SND1: variants seen among roughly 807,000 people sequenced by gnomAD.
SND1 encodes staphylococcal nuclease domain-containing protein 1.
Under a neutral mutation model 121.7 loss-of-function variants are expected in SND1, and 38 were observed. The ratio of observed to expected loss-of-function variants is 0.31; its 90% CI spans 0.24 to 0.41. The LOEUF is 0.41. SND1 is among the 10% of genes least tolerant of loss of function. SND1 has a pLI of 1.00. For synonymous variants in SND1, 401 were observed against 447.4 expected (o/e 0.90, Z 1.31); for missense variants, 868 against 1,184.6 (o/e 0.73, Z 3.92).
At chr7:127,925,063 A>G (rs1800802295) in intron 14 of SND1, among the ~76,000 whole-genome samples, 1 of 152,218 alleles carries the variant, frequency 6.6e-6, no homozygotes, top group African/African-American at 2.4e-5. Flanking sequence ...CCCCAGGCAC[A>G]TTTGTTGCAT....
intron 3 of SND1, among the ~76,000 whole-genome samples, chr7:127,696,866 C>T (rs1485723496): frequency 6.6e-6 from 1 of 152,122 alleles, no homozygotes; most frequent in Non-Finnish European, 1.5e-5. Flanking sequence ...CATAGGTGAT[C>T]AATAAATATG....
intron 22 of SND1, among the ~76,000 whole-genome samples, chr7:128,091,078 G>T (rs1793771317): frequency 6.6e-6 from 1 of 152,186 alleles, no homozygotes; most frequent in Non-Finnish European, 1.5e-5. Flanking sequence ...GCCCTGAGAA[G>T]CTTACATTCA....
chr7:127,907,669 A>G (rs762062309), intron 14 of SND1, among the ~76,000 whole-genome samples: 1 of 152,192 alleles, frequency 6.6e-6, no homozygotes, highest in Non-Finnish European at 1.5e-5. Context: ...GGAAAAAGAC[A>G]TGCTTAAGTG....
At chr7:127,998,991 C>G (rs1166201148) in intron 16 of SND1, 1 of 152,248 alleles carries the variant, frequency 6.6e-6, no homozygotes, top group Non-Finnish European at 1.5e-5. Context: ...CATAGCCAGT[C>G]AAGCATAGAA....
intron 15 of SND1, among the ~76,000 whole-genome samples, chr7:127,931,906 A>G (rs1305956380): frequency 1.3e-5 from 2 of 152,068 alleles, no homozygotes; most frequent in African/African-American, 4.8e-5. Flanking sequence ...AAAAAAAAAG[A>G]TTTTTTTGCA....
At chr7:127,710,650 C>T (rs1425353850) in intron 9 of SND1, among the ~76,000 whole-genome samples, 7 of 152,124 alleles carry the variant, frequency 4.6e-5, no homozygotes, top group Admixed American at 2.6e-4. Context: ...AAAGAATGTA[C>T]CAGTTCAATT....
chr7:127,712,732 T>G (rs977648067), intron 9 of SND1, among the ~76,000 whole-genome samples: 1 of 152,226 alleles, frequency 6.6e-6, no homozygotes. Flanking sequence ...TTCTCTCTCA[T>G]TATCTTCTTC....
chr7:128,058,518 A>G (rs1047549698), intron 16 of SND1, among the ~76,000 whole-genome samples: 1 of 152,208 alleles, frequency 6.6e-6, no homozygotes, highest in Non-Finnish European at 1.5e-5. Flanking sequence ...AATTGATATC[A>G]CCCTGAAATC....
At chr7:127,781,549 G>C (rs532280351) in intron 10 of SND1, among the ~76,000 whole-genome samples, 5 of 151,278 alleles carry the variant, frequency 3.3e-5, no homozygotes, top group African/African-American at 1.2e-4. Context: ...GGCTCCATAG[G>C]AGTTAAGAAA....
chr7:127,799,364 C>T (rs2116559984), intron 10 of SND1, among the ~76,000 whole-genome samples: 1 of 152,294 alleles, frequency 6.6e-6, no homozygotes, highest in Non-Finnish European at 1.5e-5. Flanking sequence ...GGATCATGAT[C>T]CTTACCAGGT....
chr7:127,713,426 G>C (rs1315817657), intron 9 of SND1, among the ~76,000 whole-genome samples: 4 of 152,264 alleles, frequency 2.6e-5, no homozygotes, highest in Admixed American at 6.5e-5. Flanking sequence ...TTTTTTCAGG[G>C]AATCCTAAAA....
chr7:128,008,490 T>C (rs114032421), intron 16 of SND1, among the ~76,000 whole-genome samples: 12 of 150,784 alleles, frequency 8.0e-5, no homozygotes, highest in African/African-American at 1.2e-4. Flanking sequence ...GGAGGGGGGT[T>C]GCATTGTTTT....
At chr7:127,859,383 C>G (rs142589893) in intron 12 of SND1, among the ~76,000 whole-genome samples, 4 of 152,306 alleles carry the variant, frequency 2.6e-5, no homozygotes, top group African/African-American at 9.6e-5. Context: ...AATCTTTTCT[C>G]TGGTTGCTAC....
At chr7:127,895,328 C>T (rs2116746111) in intron 13 of SND1, among the ~76,000 whole-genome samples, 1 of 152,194 alleles carries the variant, frequency 6.6e-6, no homozygotes, top group South Asian at 2.1e-4. Context: ...GGATTTTTAG[C>T]TCAAGCATCA....
At chr7:127,717,271 TA>T (rs1367388939) in intron 9 of SND1, among the ~76,000 whole-genome samples, 8 of 152,256 alleles carry the variant, frequency 5.3e-5, no homozygotes, top group African/African-American at 1.7e-4. Context: ...TTCATTTATT[TA>T]TACTTTATTT....
chr7:128,025,515 T>C (rs575741603), intron 16 of SND1, among the ~76,000 whole-genome samples: 1 of 152,348 alleles, frequency 6.6e-6, no homozygotes, highest in South Asian at 2.1e-4. Context: ...AACGTGTTGC[T>C]ATAACTACCC....
intron 14 of SND1, among the ~76,000 whole-genome samples, chr7:127,909,234 A>G (rs1294087767): frequency 6.6e-6 from 1 of 152,114 alleles, no homozygotes; most frequent in South Asian, 2.1e-4. Context: ...ATATTCTGCC[A>G]TTTCATATTA....
chr7:128,002,767 C>T (rs564340285), intron 16 of SND1, among the ~76,000 whole-genome samples: 1 of 152,336 alleles, frequency 6.6e-6, no homozygotes, highest in African/African-American at 2.4e-5. Flanking sequence ...TACAGGCTTC[C>T]TTATCCTCTG....
intron 10 of SND1, among the ~76,000 whole-genome samples, chr7:127,748,053 C>T (rs997716367): frequency 3.9e-5 from 6 of 152,128 alleles, no homozygotes; most frequent in African/African-American, 1.4e-4. Context: ...GTTTGGTTAC[C>T]AACTGGCCAA....
Sources: allele counts gnomAD v4.1 joint callset (sites outside exome capture counted in the v4.1 genomes callset), GRCh38; gene constraint gnomAD v4.1.1; transcripts MANE v1.5; gene names NCBI Gene and HGNC (gene_info 2026-07-23, HGNC 2026-07-21).